Variants in TET3 observed in about 807,000 individuals in gnomAD.
The protein encoded by TET3 is methylcytosine dioxygenase TET3.
In TET3, 19 loss-of-function variants were observed where a neutral mutation model predicts 141.4. The ratio of observed to expected loss-of-function variants is 0.13; its 90% CI spans 0.09 to 0.20. The LOEUF (loss-of-function observed/expected upper bound fraction) is 0.20, where lower values mean the gene tolerates loss of function less well. Ranked by LOEUF, TET3 falls within the 10% of genes least tolerant of loss-of-function variation. The pLI is 1.00. For missense variants in TET3, 1,874 were observed against 2,356.9 expected, an observed-to-expected ratio of 0.80 and a Z score of 4.24; for synonymous variants, 1,043 against 980.9, an observed-to-expected ratio of 1.06 and a Z score of -1.18.
At chr2:74,038,182 C>CT in intron 3 of TET3, among the ~76,000 whole-genome samples, 1 of 152,174 alleles carries the variant, frequency 6.6e-6, no homozygotes, top group Non-Finnish European at 1.5e-5. Context: ...CCCCAGCTCT[C>CT]TGAAGGTGGG....
chr2:74,074,840 G>A (rs58655075), intron 5 of TET3, among the ~76,000 whole-genome samples: 3,401 of 152,186 alleles, frequency 0.022, 137 homozygotes, highest in African/African-American at 0.078. Flanking sequence ...GCATTTTTTA[G>A]AACAAGCATT....
At chr2:74,066,204 A>G (rs1341735753) in intron 4 of TET3, among the ~76,000 whole-genome samples, 1 of 152,234 alleles carries the variant, frequency 6.6e-6, no homozygotes, top group Non-Finnish European at 1.5e-5. Flanking sequence ...CAGACTTAAC[A>G]GTACAGAGGT....
At chr2:73,992,700 T>C (rs1427261952) in intron 2 of TET3, among the ~76,000 whole-genome samples, 2 of 152,202 alleles carry the variant, frequency 1.3e-5, no homozygotes, top group Non-Finnish European at 2.9e-5. Flanking sequence ...TATGGAATTA[T>C]GATGATTGAA....
intron 10 of TET3, among the ~76,000 whole-genome samples, chr2:74,097,212 C>G (rs1348199681): frequency 6.7e-6 from 1 of 149,166 alleles, no homozygotes; most frequent in East Asian, 1.9e-4. Flanking sequence ...CACACACACA[C>G]ACACACACAC....
At chr2:74,118,684 T>TAC in the TET3 span, among the ~76,000 whole-genome samples, 3 of 152,152 alleles carry the variant, frequency 2.0e-5, no homozygotes, top group African/African-American at 7.2e-5. Context: ...TGAATACACA[T>TAC]ACACACACAC....
intron 4 of TET3, among the ~76,000 whole-genome samples, chr2:74,058,590 T>A (rs919970633): frequency 6.6e-6 from 1 of 152,154 alleles, no homozygotes; most frequent in Admixed American, 6.5e-5. Context: ...ATTTTTAAAT[T>A]TTTTTCTTTT....
chr2:74,128,287 T>C, the TET3 span, among the ~76,000 whole-genome samples: 1 of 152,232 alleles, frequency 6.6e-6, no homozygotes, highest in Non-Finnish European at 1.5e-5. Flanking sequence ...GTGACTTTCT[T>C]CTTTTGTAGT....
intron 8 of TET3, among the ~76,000 whole-genome samples, chr2:74,091,583 G>GCCTCCC (rs1690500139): frequency 2.0e-5 from 3 of 152,274 alleles, no homozygotes; most frequent in Non-Finnish European, 4.4e-5. Context: ...ATCAGGCAGG[G>GCCTCCC]AGGTGGCCTG....
In TET3 at chr2:74,101,907, G is replaced by C. The variant is rs2104233995; in HGVS notation, c.5119G>C (p.Ala1707Pro). The change falls in exon 12 of 12, where the codon GCC becomes CCC. Residue 1707 changes from alanine (A) to proline (P), a missense_variant. Physicochemically the swap from Ala to Pro is conservative, Grantham distance 27. Transcript: ENST00000409262. This position sits in a 1 kb window ranked among gnomAD's most constrained non-coding sequence, Gnocchi z 8.5. ...KNLNQPNHGLALWEAKMKQLA... is the reference protein window; with the variant it reads ...KNLNQPNHGLPLWEAKMKQLA... ...CCTCAACCAGCCCAACCACGGGCTG[G>C]CCCTCTGGGAAGCCAAGATGAAGCA... is the stretch of plus-strand genomic sequence containing the variant. The C allele has an allele frequency of 1.9e-6, 3 of 1,613,348 alleles. No individual in the cohort carries two copies. The highest frequency in any genetic ancestry group is 1.7e-6 in the Non-Finnish European group (2 of 1,179,780).
chr2:74,010,987 C>T (rs1685399082), intron 3 of TET3, among the ~76,000 whole-genome samples: 1 of 151,996 alleles, frequency 6.6e-6, no homozygotes, highest in African/African-American at 2.4e-5. Flanking sequence ...CGTGTAATCC[C>T]AGCACTTTGG....
Position 74,072,436 on chromosome 2 carries a change from T to C in TET3, c.2495-1113T>C, listed in dbSNP as rs187458422. 4.0e-5 allele frequency among the ~76,000 whole-genome samples: 6 copies of C among 151,084 alleles called. No homozygotes were observed. The East Asian group carries it at 9.8e-4, about 25-fold the overall frequency. On this transcript the variant is annotated intron_variant, in intron 4 of 11. Transcript: ENST00000409262. The stretch of plus-strand genomic sequence containing the variant: ...CTGAGGCATGAGAATTACTTGAACC[T>C]GGGAGGCGGAGGTTGCAGTGAGCCA...
chr2:74,098,056 T>C (rs1690951956), intron 10 of TET3, among the ~76,000 whole-genome samples: 1 of 152,164 alleles, frequency 6.6e-6, no homozygotes, highest in Non-Finnish European at 1.5e-5. Context: ...ATTTTAACAG[T>C]GAGCAAAAAG....
In TET3 at chr2:74,080,555, G is replaced by A. The variant is rs1171257353; in HGVS notation, c.2643G>A (p.Glu881=). The A allele has an allele frequency of 1.9e-6, 3 of 1,613,590 alleles. No homozygotes were observed. Among genetic ancestry groups the A allele is most frequent in the South Asian group, 2.2e-5 (2 of 91,012 alleles). Residue 881 remains glutamate, a synonymous_variant, in exon 6 of 12, where the codon GAG becomes GAA. Coordinates refer to ENST00000409262, the MANE Select transcript of TET3 (RefSeq NM_001287491.2). ...RIEKVIYTGK[E]GKSSRGCPIA... ...AGAAGGTCATCTACACGGGGAAGGA[G>A]GGAAAGAGCTCCCGCGGTTGCCCCA...
intron 8 of TET3, among the ~76,000 whole-genome samples, chr2:74,091,955 G>A (rs756395296): frequency 8.5e-5 from 13 of 152,236 alleles, no homozygotes; most frequent in Non-Finnish European, 1.5e-4. Flanking sequence ...ACGTGTAGCT[G>A]CTGAGTATTT....
At chr2:74,079,278 G>A (rs1435095776) in intron 5 of TET3, among the ~76,000 whole-genome samples, 4 of 152,152 alleles carry the variant, frequency 2.6e-5, no homozygotes, top group Non-Finnish European at 5.9e-5. Context: ...CCCGGGAAGC[G>A]GAGGTTGCAA....
Position 74,047,320 on chromosome 2 carries a change from G to T in TET3, c.1403G>T (p.Gly468Val). ...DPMAELEQLL[G>V]SASDYIQSVF... is the part of the protein sequence containing the mutation. ...ATGGCTGAACTGGAGCAGTTGTTGG[G>T]CAGCGCCAGTGATTACATCCAGTCA... Residue 468 changes from glycine (G) to valine (V), a missense_variant, in exon 4 of 12, where the codon GGC becomes GTC. Gly to Val is a moderately radical substitution (Grantham distance 109). Around this residue, in one of 10 missense-constraint regions of TET3, gnomAD observed 484 missense variants for 462.2 expected, o/e 1.05. Transcript: ENST00000409262. The T allele has an allele frequency of 6.2e-7, 1 of 1,613,996 alleles. No homozygotes were observed. The highest frequency in any genetic ancestry group is 8.5e-7 in the Non-Finnish European group (1 of 1,179,892).
At chr2:74,002,755 G>C (rs888420734) in intron 2 of TET3, 2 of 541,466 alleles carry the variant, frequency 3.7e-6, no homozygotes, top group Non-Finnish European at 6.5e-6. Context: ...CTCCGGCGGG[G>C]ATAATGGGAG....
At chr2:74,033,867 G>A (rs892652473) in intron 3 of TET3, among the ~76,000 whole-genome samples, 3 of 151,990 alleles carry the variant, frequency 2.0e-5, no homozygotes, top group African/African-American at 4.8e-5. Flanking sequence ...AGGCTGAGGC[G>A]GGCGGATCAC....
intron 6 of TET3, among the ~76,000 whole-genome samples, chr2:74,085,193 A>G (rs987422465): frequency 6.6e-6 from 1 of 150,894 alleles, no homozygotes; most frequent in African/African-American, 2.4e-5. Flanking sequence ...GTTTTTGGAG[A>G]GGGATTTTAT....
Sources: allele counts gnomAD v4.1 joint callset (sites outside exome capture counted in the v4.1 genomes callset), GRCh38; gene constraint gnomAD v4.1.1; regional missense constraint gnomAD v4.1.1; non-coding constraint Gnocchi (gnomAD v3.1); transcripts MANE v1.5; gene names NCBI Gene and HGNC (gene_info 2026-07-23, HGNC 2026-07-21).